The following AUH variants were observed in gnomAD, a reference collection of about 807,000 sequenced individuals.
AUH encodes methylglutaconyl-CoA hydratase, mitochondrial.
In AUH, 29 loss-of-function variants were observed where a neutral mutation model predicts 42.3. That is an observed-to-expected ratio of 0.69 (90% CI 0.51 to 0.93). The LOEUF (loss-of-function observed/expected upper bound fraction) is 0.93. Ranked by LOEUF, AUH falls within the 40% of genes least tolerant of loss-of-function variation. The pLI, the probability that AUH is intolerant of heterozygous loss-of-function variation, is 0.00. For synonymous variants in AUH, 174 were observed against 166.4 expected, an observed-to-expected ratio of 1.05 and a Z score of -0.35; for missense variants, 452 against 438.1, an observed-to-expected ratio of 1.03 and a Z score of -0.28.
chr9:91,360,451 A>G (rs1372307296), intron 1 of AUH: 2 of 152,224 alleles, frequency 1.3e-5, no homozygotes, highest in African/African-American at 4.8e-5. Context: ...CTGGAATAAT[A>G]AGTAAGGAAT....
chr9:91,325,941 C>G (rs192624921), intron 3 of AUH, among the ~76,000 whole-genome samples: 189 of 152,254 alleles, frequency 1.2e-3, no homozygotes, highest in African/African-American at 4.4e-3. Flanking sequence ...GCCTTGGGGA[C>G]TGTCAACCAC....
At chr9:91,281,220 C>A (rs1406043734) in intron 6 of AUH, among the ~76,000 whole-genome samples, 1 of 152,186 alleles carries the variant, frequency 6.6e-6, no homozygotes, top group African/African-American at 2.4e-5. Context: ...ATGATTTTTT[C>A]TCTGTTGTTC....
At chr9:91,302,433 T>C (rs1449879153) in intron 4 of AUH, among the ~76,000 whole-genome samples, 3 of 151,840 alleles carry the variant, frequency 2.0e-5, no homozygotes, top group African/African-American at 7.3e-5. Flanking sequence ...CTACTAAAAA[T>C]ACAAAATTAG....
At chr9:91,238,002 T>C (rs182824843) in intron 6 of AUH, among the ~76,000 whole-genome samples, 436 of 152,296 alleles carry the variant, frequency 2.9e-3, no homozygotes, top group Non-Finnish European at 4.5e-3. Flanking sequence ...CAAGGGAGTA[T>C]GGGGAATGAG....
intron 4 of AUH, among the ~76,000 whole-genome samples, chr9:91,320,920 G>A (rs936254929): frequency 1.1e-4 from 16 of 152,054 alleles, no homozygotes; most frequent in African/African-American, 3.9e-4. Flanking sequence ...GTAAATTGAG[G>A]GAGATGGGTT....
At chr9:91,327,191 T>C (rs1179567583) in intron 3 of AUH, among the ~76,000 whole-genome samples, 3 of 152,220 alleles carry the variant, frequency 2.0e-5, no homozygotes, top group African/African-American at 7.2e-5. Context: ...CCCTGCCTCC[T>C]GTTACCATGA....
intron 6 of AUH, among the ~76,000 whole-genome samples, chr9:91,223,544 A>C (rs1429211872): frequency 3.9e-5 from 6 of 152,216 alleles, no homozygotes. Context: ...ATATACAAAT[A>C]TCTCTTCAAG....
chr9:91,334,331 CA>C (rs1384496679), intron 3 of AUH, among the ~76,000 whole-genome samples: 2 of 151,504 alleles, frequency 1.3e-5, no homozygotes, highest in East Asian at 2.0e-4. Context: ...TCGTGAACTG[CA>C]AAGAAGCAGC....
intron 6 of AUH, among the ~76,000 whole-genome samples, chr9:91,263,885 T>C (rs1379197464): frequency 1.3e-5 from 2 of 152,234 alleles, no homozygotes; most frequent in Admixed American, 6.5e-5. Flanking sequence ...CTTCTACTAG[T>C]TGTGATTGTA....
intron 4 of AUH, among the ~76,000 whole-genome samples, chr9:91,324,601 G>A (rs1587860122): frequency 7.3e-6 from 1 of 137,428 alleles, no homozygotes. Flanking sequence ...CATCACATAA[G>A]CATTTGGGGC....
intron 6 of AUH, among the ~76,000 whole-genome samples, chr9:91,284,814 G>T (rs1826267667): frequency 6.6e-6 from 1 of 152,120 alleles, no homozygotes; most frequent in South Asian, 2.1e-4. Context: ...GAAACAACAG[G>T]TGCTGGAGAG....
chr9:91,285,292 A>C (rs908704149), intron 6 of AUH, among the ~76,000 whole-genome samples: 3 of 149,452 alleles, frequency 2.0e-5, no homozygotes, highest in African/African-American at 7.4e-5. Context: ...GGGGAACATC[A>C]CACACTGGGG....
chr9:91,281,001 G>T (rs1054653411), intron 6 of AUH, among the ~76,000 whole-genome samples: 1 of 152,050 alleles, frequency 6.6e-6, no homozygotes, highest in Non-Finnish European at 1.5e-5. Flanking sequence ...GTCTGATCGC[G>T]GATTTCTCTG....
intron 6 of AUH, among the ~76,000 whole-genome samples, chr9:91,238,331 G>A (rs1712011859): frequency 6.6e-6 from 1 of 152,170 alleles, no homozygotes; most frequent in Non-Finnish European, 1.5e-5. Context: ...GGGAAAAGGG[G>A]GAATGGGAAG....
At chr9:91,342,263 G>A (rs1831160650) in intron 3 of AUH, among the ~76,000 whole-genome samples, 1 of 152,116 alleles carries the variant, frequency 6.6e-6, no homozygotes, top group Non-Finnish European at 1.5e-5. Context: ...TCCAACTTCT[G>A]CTTCCTGTTG....
At chr9:91,263,254 T>C (rs1293788133) in intron 6 of AUH, among the ~76,000 whole-genome samples, 1 of 152,216 alleles carries the variant, frequency 6.6e-6, no homozygotes, top group East Asian at 1.9e-4. Flanking sequence ...ATCAATGACT[T>C]AGTCTACCAG....
chr9:91,231,546 G>C (rs1336411518), intron 6 of AUH, among the ~76,000 whole-genome samples: 1 of 152,194 alleles, frequency 6.6e-6, no homozygotes, highest in Non-Finnish European at 1.5e-5. Context: ...CTGTAGACCG[G>C]AGCTGTTCCT....
intron 3 of AUH, among the ~76,000 whole-genome samples, chr9:91,344,532 T>C (rs1157598833): frequency 6.6e-6 from 1 of 152,222 alleles, no homozygotes; most frequent in Non-Finnish European, 1.5e-5. Context: ...AATTTGACTT[T>C]TCAAACAGAA....
intron 7 of AUH, among the ~76,000 whole-genome samples, chr9:91,220,351 A>G (rs2131211836): frequency 6.6e-6 from 1 of 152,362 alleles, no homozygotes. Flanking sequence ...AAGTGAAGCC[A>G]CTGCAATGGA....
Sources: gnomAD v4.1 joint callset for allele counts (sites outside exome capture counted in the v4.1 genomes callset) on GRCh38, gnomAD v4.1.1 for gene constraint, MANE v1.5 for transcripts, NCBI Gene and HGNC (gene_info 2026-07-23, HGNC 2026-07-21) for gene names.